GRIA2: variants seen among roughly 807,000 people sequenced by gnomAD.
The protein encoded by GRIA2 is glutamate receptor 2.
A neutral mutation model predicts 97.3 loss-of-function variants in GRIA2; 14 were observed. The observed-to-expected ratio is 0.14, with a 90% confidence interval of 0.10 to 0.23. The LOEUF is 0.23. GRIA2 is among the 10% of genes least tolerant of loss of function. The pLI is 1.00. For missense variants in GRIA2, 558 were observed against 1,069.8 expected (o/e 0.52, Z 6.67); for synonymous variants, 412 against 387.8 (o/e 1.06, Z -0.73).
intron 2 of GRIA2, among the ~76,000 whole-genome samples, chr4:157,244,301 G>A (rs931761006): frequency 3.9e-5 from 6 of 152,014 alleles, no homozygotes; most frequent in Admixed American, 1.3e-4. Flanking sequence ...CACACAGCTC[G>A]TAGTAAGCAG....
At chr4:157,252,445 T>C (rs115918357) in intron 2 of GRIA2, among the ~76,000 whole-genome samples, 1,634 of 152,262 alleles carry the variant, frequency 0.011, 22 homozygotes, top group African/African-American at 0.036. Flanking sequence ...TTGTTGCCAG[T>C]TCTAAAATTC....
chr4:157,318,284 T>G (rs1734413571), intron 5 of GRIA2, among the ~76,000 whole-genome samples: 1 of 152,186 alleles, frequency 6.6e-6, no homozygotes, highest in African/African-American at 2.4e-5. Context: ...ATTTTTAGCA[T>G]ATATAATATC....
At chr4:157,223,375 AGG>A (rs1486834732) in intron 2 of GRIA2, among the ~76,000 whole-genome samples, 1 of 152,210 alleles carries the variant, frequency 6.6e-6, no homozygotes, top group Non-Finnish European at 1.5e-5. Flanking sequence ...AAAAGAAAGA[AGG>A]GCGGGTGTGG....
At chr4:157,288,887 A>G (rs1380882760) in intron 2 of GRIA2, among the ~76,000 whole-genome samples, 1 of 151,892 alleles carries the variant, frequency 6.6e-6, no homozygotes, top group Non-Finnish European at 1.5e-5. Context: ...TATTTGGGGT[A>G]TGTTATAGTG....
At chr4:157,264,085 G>A (rs554525213) in intron 2 of GRIA2, among the ~76,000 whole-genome samples, 1 of 152,108 alleles carries the variant, frequency 6.6e-6, no homozygotes, top group South Asian at 2.1e-4. Context: ...AACCACTTCT[G>A]CAGATGTATC....
intron 3 of GRIA2, among the ~76,000 whole-genome samples, chr4:157,311,430 C>T (rs1004151774): frequency 2.0e-5 from 3 of 151,946 alleles, no homozygotes; most frequent in Admixed American, 6.6e-5. Flanking sequence ...TCCTTCCCTT[C>T]TGGTGTCATA....
chr4:157,265,602 A>C (rs2126778276), intron 2 of GRIA2, among the ~76,000 whole-genome samples: 1 of 152,242 alleles, frequency 6.6e-6, no homozygotes, highest in African/African-American at 2.4e-5. Flanking sequence ...CTATTGGCTA[A>C]GCCTCCTTAG....
chr4:157,254,115 A>G (rs776058834), intron 2 of GRIA2, among the ~76,000 whole-genome samples: 28 of 151,948 alleles, frequency 1.8e-4, no homozygotes, highest in Non-Finnish European at 3.4e-4. Flanking sequence ...AGAAATATGT[A>G]TGTATGATTA....
intron 2 of GRIA2, among the ~76,000 whole-genome samples, chr4:157,302,738 G>A (rs1009044905): frequency 6.6e-6 from 1 of 152,126 alleles, no homozygotes; most frequent in African/African-American, 2.4e-5. Context: ...GTATATCGAG[G>A]TATTATAATG....
chr4:157,274,662 C>G (rs1244704948), intron 2 of GRIA2, among the ~76,000 whole-genome samples: 1 of 151,646 alleles, frequency 6.6e-6, no homozygotes. Flanking sequence ...ATGGTGGTTT[C>G]CAGCTTCATC....
chr4:157,265,205 G>T (rs1283751519), intron 2 of GRIA2, among the ~76,000 whole-genome samples: 1 of 152,118 alleles, frequency 6.6e-6, no homozygotes, highest in Non-Finnish European at 1.5e-5. Flanking sequence ...TTGGAAATGC[G>T]ATGGTGAACA....
chr4:157,352,502 G>A (rs1388820158), intron 12 of GRIA2, among the ~76,000 whole-genome samples: 1 of 151,962 alleles, frequency 6.6e-6, no homozygotes, highest in Non-Finnish European at 1.5e-5. Flanking sequence ...TGGATCACGA[G>A]GTCAGGAGTT....
rs1736575370 is a variant in GRIA2 at position 157,360,241 on chromosome 4, G to A, written c.2291+98G>A. On this transcript the variant is annotated intron_variant, in intron 13 of 15. Coordinates refer to ENST00000264426, the MANE Select transcript of GRIA2 (RefSeq NM_001083619.3). ...TCTCTTACGGTTTGTATACGGATAT[G>A]AGGTAACTCACCATCACAAAAATGA... 3.2e-6 allele frequency: 4 copies of A among 1,232,948 alleles called. No individual in the cohort carries two copies. The South Asian group carries it at 5.9e-5, about 18-fold the overall frequency. The allele number at this position is 1,232,948 out of a possible 1,614,324, so 76.4% of individuals were successfully genotyped here. A position where few individuals can be genotyped will look rare whatever the true frequency, so the allele number is the denominator to read the frequency against.
intron 2 of GRIA2, among the ~76,000 whole-genome samples, chr4:157,235,021 A>G (rs1000555066): frequency 2.0e-5 from 3 of 152,064 alleles, no homozygotes; most frequent in African/African-American, 7.2e-5. Context: ...CTTATATTGC[A>G]GTAACAGCAG....
intron 5 of GRIA2, among the ~76,000 whole-genome samples, chr4:157,319,421 AG>A (rs1734463511): frequency 6.6e-6 from 1 of 152,238 alleles, no homozygotes; most frequent in African/African-American, 2.4e-5. Flanking sequence ...AAAAAGAAAA[AG>A]AAAAAGCAAG....
chr4:157,244,145 G>A (rs1352400757), intron 2 of GRIA2, among the ~76,000 whole-genome samples: 1 of 151,784 alleles, frequency 6.6e-6, no homozygotes, highest in Non-Finnish European at 1.5e-5. Context: ...CTGGTAGAGG[G>A]AACTAAATAC....
intron 2 of GRIA2, among the ~76,000 whole-genome samples, chr4:157,271,022 T>A (rs1050999943): frequency 2.0e-5 from 3 of 152,012 alleles, no homozygotes; most frequent in African/African-American, 7.3e-5. Context: ...AAGGAAATAT[T>A]TGATTCATTT....
chr4:157,223,377 G>T (rs903856617), intron 2 of GRIA2, among the ~76,000 whole-genome samples: 1 of 152,138 alleles, frequency 6.6e-6, no homozygotes, highest in African/African-American at 2.4e-5. Context: ...AAGAAAGAAG[G>T]GCGGGTGTGG....
chr4:157,242,323 C>T (rs148470377), intron 2 of GRIA2, among the ~76,000 whole-genome samples: 161 of 152,020 alleles, frequency 1.1e-3, no homozygotes, highest in Middle Eastern at 3.4e-3. Flanking sequence ...AGAGCCCTGG[C>T]GATTTCAGGA....
Sources: gnomAD v4.1 joint callset for allele counts (sites outside exome capture counted in the v4.1 genomes callset) on GRCh38, gnomAD v4.1.1 for gene constraint, MANE v1.5 for transcripts, NCBI Gene and HGNC (gene_info 2026-07-23, HGNC 2026-07-21) for gene names.